COQ5: variants seen among roughly 807,000 people sequenced by gnomAD.
COQ5 encodes the protein 2-methoxy-6-polyprenyl-1,4-benzoquinol methylase, mitochondrial.
Under a neutral mutation model 40.5 loss-of-function variants are expected in COQ5, and 27 were observed. The observed-to-expected ratio is 0.67, with a 90% CI of 0.49 to 0.92. The LOEUF (loss-of-function observed/expected upper bound fraction) is 0.92, where lower values mean the gene tolerates loss of function less well. Among genes scored for constraint, COQ5 ranks in the 40% least tolerant of loss-of-function variants. COQ5 has a pLI of 0.00. For synonymous variants in COQ5, 141 were observed against 150.0 expected (o/e 0.94, Z 0.44); for missense variants, 409 against 406.4 (o/e 1.01, Z -0.06).
intron 4 of COQ5, among the ~76,000 whole-genome samples, chr12:120,508,009 ATTTT>A (rs1868956019): frequency 2.0e-5 from 3 of 151,698 alleles, no homozygotes; most frequent in Non-Finnish European, 2.9e-5. Context: ...CTATTTATTT[ATTTT>A]TGAGGTGGAG....
chr12:120,526,527 A>T, intron 1 of COQ5: 1 of 454,092 alleles, frequency 2.2e-6, no homozygotes, highest in South Asian at 1.6e-5. Context: ...GCCAGCAAAA[A>T]CTTTCACATT....
chr12:120,514,430 G>C (rs1869283777), intron 3 of COQ5, among the ~76,000 whole-genome samples: 1 of 152,104 alleles, frequency 6.6e-6, no homozygotes, highest in Non-Finnish European at 1.5e-5. Context: ...CAGCATGGAA[G>C]AGGGCAGAAT....
chr12:120,504,893 A>G lies in COQ5; in HGVS notation c.770+2T>C. 5 of 1,613,670 alleles carry G rather than the reference A, an allele frequency of 3.1e-6. No individual in the cohort carries two copies. Among genetic ancestry groups the G allele is most frequent in the Non-Finnish European group, 4.2e-6 (5 of 1,179,602 alleles). On this transcript the variant is annotated splice_donor_variant, in intron 5 of 6. Coordinates refer to ENST00000288532, the MANE Select transcript of COQ5 (RefSeq NM_032314.4). LOFTEE classifies it high-confidence loss of function. ...AGATAAAGCCCTATTAACAATGCCA[A>G]CCTGGATATGAGGGGATTGTTCACT... is the stretch of plus-strand genomic sequence containing the variant.
chr12:120,512,464 G>C (rs1869179348), intron 3 of COQ5, among the ~76,000 whole-genome samples: 1 of 152,004 alleles, frequency 6.6e-6, no homozygotes, highest in African/African-American at 2.4e-5. Flanking sequence ...AGCTGGGCTT[G>C]GTGGAGGGTG....
intron 2 of COQ5, among the ~76,000 whole-genome samples, chr12:120,521,571 G>A (rs547532489): frequency 1.3e-4 from 20 of 152,098 alleles, no homozygotes; most frequent in African/African-American, 4.6e-4. Context: ...AGCTACTCAG[G>A]AGGCTGAGGC....
intron 2 of COQ5, among the ~76,000 whole-genome samples, chr12:120,518,851 C>T (rs1178440271): frequency 1.3e-5 from 2 of 152,210 alleles, no homozygotes; most frequent in Non-Finnish European, 2.9e-5. Context: ...CGTGAGCCAA[C>T]GTGCTCGGCC....
Position 120,529,136 on chromosome 12 carries a change from C to T in COQ5, c.6G>A (p.Ala2=), listed in dbSNP as rs2137098393. The T allele has an allele frequency of 1.2e-6, 2 of 1,613,224 alleles. No individual in the cohort carries two copies. The highest frequency in any genetic ancestry group is 1.7e-6 in the Non-Finnish European group (2 of 1,179,628). Residue 2 remains alanine, a synonymous_variant, in exon 1 of 7, where the codon GCG becomes GCA. Transcript: ENST00000288532. The part of the protein sequence containing the change: M[A]APGSCALWSY... Reference sequence around the variant, plus strand: ...TCCATAGAGCACAGCTCCCGGGGGCCGCCATCTTGGTAGTCGAGTGACAAC... The same window carrying T: ...TCCATAGAGCACAGCTCCCGGGGGCTGCCATCTTGGTAGTCGAGTGACAAC...
In COQ5 at chr12:120,503,748, G is replaced by T; in HGVS notation, c.*36C>A. ...TCCTTCAGTTCCAGGCTTTCAACAGGATATGACTGGTTCATGCTCCATGAT... is the reference window on the plus strand; with the variant it reads ...TCCTTCAGTTCCAGGCTTTCAACAGTATATGACTGGTTCATGCTCCATGAT... On this transcript the variant is annotated 3_prime_UTR_variant, in exon 7 of 7. Coordinates refer to ENST00000288532, the MANE Select transcript of COQ5 (RefSeq NM_032314.4). 6.8e-7 allele frequency: 1 copy of T among 1,479,166 alleles called. No homozygotes were observed. The highest frequency in any genetic ancestry group is 9.5e-7 in the Non-Finnish European group (1 of 1,057,562). The allele number at this position is 1,479,166 out of a possible 1,614,324, so 91.6% of individuals were successfully genotyped here. A position where few individuals can be genotyped will look rare whatever the true frequency, so the allele number is the denominator to read the frequency against.
Position 120,503,448 on chromosome 12 carries a change from G to T in COQ5, c.*336C>A. The T allele has an allele frequency of 6.9e-6, 3 of 436,766 alleles. No individual in the cohort carries two copies. In the Admixed American group the frequency reaches 8.2e-5, roughly 12 times the overall value. The allele number at this position is 436,766 out of a possible 1,614,324, so 27.1% of individuals were successfully genotyped here. A position where few individuals can be genotyped will look rare whatever the true frequency, so the allele number is the denominator to read the frequency against. On this transcript the variant is annotated 3_prime_UTR_variant, in exon 7 of 7. Transcript: ENST00000288532. ...TGATCTATCATCCCTCTAGAAGGCAGCACCAGCAGAGAAGCTATAAATACA... is the reference window on the plus strand; with the variant it reads ...TGATCTATCATCCCTCTAGAAGGCATCACCAGCAGAGAAGCTATAAATACA...
rs1309590787 is a variant in COQ5, at chr12:120,503,553, A to G, written c.*231T>C. The G allele has an allele frequency of 6.2e-6, 4 of 646,646 alleles. No individual in the cohort carries two copies. In the East Asian group the frequency reaches 1.2e-4, roughly 20 times the overall value. The allele number at this position is 646,646 out of a possible 1,614,324, so 40.1% of individuals were successfully genotyped here. Reference sequence around the variant, plus strand: ...GCCAAGAGAAATTAGCAGTTGAGCAAAGATACAGACCAAATGCCTCTGGGA... The same window carrying G: ...GCCAAGAGAAATTAGCAGTTGAGCAGAGATACAGACCAAATGCCTCTGGGA... On this transcript the variant is annotated 3_prime_UTR_variant, in exon 7 of 7. Transcript: ENST00000288532.
chr12:120,525,451 C>A (rs766089594), intron 1 of COQ5, among the ~76,000 whole-genome samples: 1 of 152,032 alleles, frequency 6.6e-6, no homozygotes, highest in Non-Finnish European at 1.5e-5. Flanking sequence ...TAACCCCACT[C>A]GGTATAAATA....
chr12:120,503,633 T>C lies in COQ5; in HGVS notation c.*151A>G, dbSNP rs755609653. On this transcript the variant is annotated 3_prime_UTR_variant, in exon 7 of 7. Transcript: ENST00000288532. Reference sequence around the variant, plus strand: ...GTAAAAAAGTGACAAGAATTTGTTCTTCCACTTTGAGACTGTTCGATTCAA... The same window carrying C: ...GTAAAAAAGTGACAAGAATTTGTTCCTCCACTTTGAGACTGTTCGATTCAA... 1 of 715,792 alleles carries C rather than the reference T, an allele frequency of 1.4e-6. No homozygotes were observed. Among genetic ancestry groups the C allele is most frequent in the Admixed American group, 2.0e-5 (1 of 49,972 alleles). 44.3% of individuals were successfully genotyped at this position (715,792 alleles called of 1,614,324 possible).
chr12:120,522,070 G>A (rs1473942525), intron 2 of COQ5, 144 bp downstream of exon 2: 2 of 750,410 alleles, frequency 2.7e-6, no homozygotes, highest in African/African-American at 3.5e-5. Flanking sequence ...AAAGATAAGT[G>A]CGTGCCTTTC....
At chr12:120,527,900 T>C (rs1432060939) in intron 1 of COQ5, among the ~76,000 whole-genome samples, 2 of 140,588 alleles carry the variant, frequency 1.4e-5, no homozygotes, top group South Asian at 4.3e-4. Context: ...GGCAGGAGAA[T>C]GGCGTGAAGC....
chr12:120,524,265 ATTT>A (rs941136816), intron 1 of COQ5, among the ~76,000 whole-genome samples: 1 of 145,034 alleles, frequency 6.9e-6, no homozygotes, highest in Non-Finnish European at 1.5e-5. Flanking sequence ...TTAAAGTTAC[ATTT>A]TTTTTTTTTT....
intron 1 of COQ5, chr12:120,526,451 A>G (rs1406028292): frequency 4.4e-6 from 2 of 455,832 alleles, no homozygotes; most frequent in Non-Finnish European, 4.4e-6. Flanking sequence ...AGGAAGATGA[A>G]CTTACCAACA....
At chr12:120,519,333 C>T (rs976635940) in intron 2 of COQ5, among the ~76,000 whole-genome samples, 8 of 151,474 alleles carry the variant, frequency 5.3e-5, no homozygotes, top group Non-Finnish European at 1.0e-4. Context: ...CCAAGGTGGG[C>T]GGATCACCTT....
At chr12:120,525,108 T>G (rs1202465271) in intron 1 of COQ5, among the ~76,000 whole-genome samples, 1 of 151,720 alleles carries the variant, frequency 6.6e-6, no homozygotes, top group Admixed American at 6.6e-5. Flanking sequence ...GTGCCCGGAC[T>G]TTTGTTTTTG....
At position 120,510,073 on chromosome 12, in the gene COQ5, T is replaced by C. The variant is rs1369645464; in HGVS notation, c.625A>G (p.Lys209Glu). ...DAEELPFDDD[K>E]FDIYTIAFGI... ...AAGGCAATGGTGTAAATATCAAACT[T>C]GTCATCATCAAAGGGCAGTTCTTCA... Residue 209 changes from lysine to glutamate, a missense_variant, in exon 4 of 7, where the codon AAG (lysine) becomes GAG (glutamate). Lys to Glu is a moderately conservative substitution (Grantham distance 56). Coordinates refer to ENST00000288532, the MANE Select transcript of COQ5 (RefSeq NM_032314.4). 6.2e-7 allele frequency: 1 copy of C among 1,614,032 alleles called. No homozygotes were observed. Among genetic ancestry groups the C allele is most frequent in the East Asian group, 2.2e-5 (1 of 44,866 alleles).
Sources: allele counts gnomAD v4.1 joint callset (sites outside exome capture counted in the v4.1 genomes callset), GRCh38; gene constraint gnomAD v4.1.1; transcripts MANE v1.5; gene names NCBI Gene and HGNC (gene_info 2026-07-23, HGNC 2026-07-21).